Variants in ARHGAP6 observed in about 807,000 individuals in gnomAD.
The protein encoded by ARHGAP6 is Rho GTPase activating protein 6.
In ARHGAP6, 16 loss-of-function variants were observed where a neutral mutation model predicts 55.7. The observed-to-expected ratio is 0.29, with a 90% confidence interval of 0.19 to 0.44. ARHGAP6 has a LOEUF of 0.44. Among genes scored for constraint, ARHGAP6 ranks in the 20% least tolerant of loss-of-function variants. ARHGAP6 has a pLI of 1.00. For missense variants in ARHGAP6, 698 were observed against 808.9 expected (o/e 0.86, Z 1.66); for synonymous variants, 382 against 360.9 (o/e 1.06, Z -0.66).
intron 1 of ARHGAP6, among the ~76,000 whole-genome samples, chrX:11,475,910 T>G (rs2050399414): frequency 9.1e-6 from 1 of 109,624 alleles, no homozygotes; most frequent in African/African-American, 3.3e-5. Flanking sequence ...ACAATAGGAA[T>G]GGGAAAAAAG....
At chrX:11,249,312 T>G (rs1197695450) in intron 2 of ARHGAP6, among the ~76,000 whole-genome samples, 2 of 111,286 alleles carry the variant, frequency 1.8e-5, no homozygotes, top group East Asian at 5.6e-4. Flanking sequence ...AACTATGAAT[T>G]GTGTTCAGTG....
At chrX:11,174,639 C>CTTTCTTTCTCTTTCT (rs2046171016) in intron 8 of ARHGAP6, among the ~76,000 whole-genome samples, 3 of 62,335 alleles carry the variant, frequency 4.8e-5, no homozygotes, top group African/African-American at 7.3e-5. Context: ...TTCTTTCTTT[C>CTTTCTTTCTCTTTCT]TTTCTTTCTT....
intron 1 of ARHGAP6, among the ~76,000 whole-genome samples, chrX:11,453,196 ATATATATACATAATATATATATATGC>A (rs2050160000): frequency 9.9e-6 from 1 of 101,005 alleles, no homozygotes. Flanking sequence ...CTCTCTCTCT[ATATATATACATAATATATATATATGC>A]TATATATATA....
At chrX:11,384,702 A>C (rs1369526861) in intron 1 of ARHGAP6, among the ~76,000 whole-genome samples, 4 of 112,072 alleles carry the variant, frequency 3.6e-5, no homozygotes, top group Non-Finnish European at 7.5e-5. Context: ...GAAAATTTAA[A>C]AAATATCAAT....
At chrX:11,546,722 C>G (rs907108240) in intron 1 of ARHGAP6, among the ~76,000 whole-genome samples, 1 of 111,821 alleles carries the variant, frequency 8.9e-6, no homozygotes, top group South Asian at 3.7e-4. Flanking sequence ...CTTCTCTTTT[C>G]CAGGTCTATA....
intron 1 of ARHGAP6, among the ~76,000 whole-genome samples, chrX:11,501,502 A>C: frequency 8.9e-6 from 1 of 111,786 alleles, no homozygotes; most frequent in Middle Eastern, 4.6e-3. Flanking sequence ...TGGAAAACTA[A>C]AACTAAATTA....
chrX:11,340,533 T>C (rs1247990591), intron 1 of ARHGAP6, among the ~76,000 whole-genome samples: 2 of 110,762 alleles, frequency 1.8e-5, no homozygotes, highest in Non-Finnish European at 3.8e-5. Context: ...ATGGAGACCA[T>C]CCTGGCTAAC....
intron 10 of ARHGAP6, among the ~76,000 whole-genome samples, chrX:11,150,872 C>T (rs191032658): frequency 1.8e-5 from 2 of 112,531 alleles, no homozygotes. Flanking sequence ...TATGACTAAG[C>T]ATGGCTAGTC....
intron 1 of ARHGAP6, among the ~76,000 whole-genome samples, chrX:11,455,905 G>A (rs190848789): frequency 4.5e-5 from 5 of 112,289 alleles, no homozygotes; most frequent in African/African-American, 1.6e-4. Flanking sequence ...GTATGTGAAA[G>A]TGTTTTAAAA....
chrX:11,550,341 C>T (rs2051254336), intron 1 of ARHGAP6, among the ~76,000 whole-genome samples: 1 of 111,792 alleles, frequency 8.9e-6, no homozygotes, highest in African/African-American at 3.3e-5. Context: ...TGGCCCCAGA[C>T]CTGCTGAATA....
At chrX:11,290,316 C>A (rs1200603264) in intron 1 of ARHGAP6, 3 of 301,046 alleles carry the variant, frequency 1.0e-5, no homozygotes, top group Non-Finnish European at 1.9e-5. Context: ...ATTTATCTAG[C>A]ACCTACTTTG....
At chrX:11,373,396 AAG>A (rs1021802851) in intron 1 of ARHGAP6, among the ~76,000 whole-genome samples, 2 of 110,792 alleles carry the variant, frequency 1.8e-5, no homozygotes, top group African/African-American at 6.6e-5. Flanking sequence ...TTAAAAAAAA[AAG>A]AGAGAGAGAA....
In ARHGAP6 at chrX:11,287,685, A is replaced by G. The variant is rs2047938062; in HGVS notation, c.589-32978T>C. ...CTGCCTAGCTGGTCTTTTTCTGCAC[A>G]CCAAGCATGCTCTGCCCATTCCCGT... On this transcript the variant is annotated intron_variant, in intron 1 of 12. Coordinates refer to ENST00000337414, the MANE Select transcript of ARHGAP6 (RefSeq NM_013427.3). Among the ~76,000 whole-genome samples, 4 of 111,711 alleles carry G rather than the reference A, an allele frequency of 3.6e-5. No individual in the cohort carries two copies. The South Asian group carries it at 1.5e-3, about 42-fold the overall frequency.
In ARHGAP6 at chrX:11,660,530, C is replaced by CAAAAAAAAAAA. The variant is rs56274949; in HGVS notation, c.588+3700_588+3710dup. ...CAACAGGGTGAGACTCTCTCTCTCTCAAAAAAAAAAAAAAAAAAAAAAAAA... is the reference window on the plus strand; with the variant it reads ...CAACAGGGTGAGACTCTCTCTCTCTCAAAAAAAAAAAAAAAAAAAAAAAAAAAAAAAAAAAA... On this transcript the variant is annotated intron_variant, in intron 1 of 12. Coordinates refer to ENST00000337414, the MANE Select transcript of ARHGAP6 (RefSeq NM_013427.3). 8.8e-4 allele frequency among the ~76,000 whole-genome samples: 24 copies of CAAAAAAAAAAA among 27,303 alleles called. 4 individuals are homozygous for CAAAAAAAAAAA. Among genetic ancestry groups the CAAAAAAAAAAA allele is most frequent in the Non-Finnish European group, 1.5e-3 (20 of 13,790 alleles). 23.7% of individuals were successfully genotyped at this position (27,303 alleles called of 115,157 possible). A position where few individuals can be genotyped will look rare whatever the true frequency, so the allele number is the denominator to read the frequency against.
At chrX:11,617,417 C>A (rs2052178629) in intron 1 of ARHGAP6, among the ~76,000 whole-genome samples, 1 of 111,649 alleles carries the variant, frequency 9.0e-6, no homozygotes, top group African/African-American at 3.3e-5. Flanking sequence ...AGCATGAGTA[C>A]AGGCTATTTC....
chrX:11,274,781 C>G (rs1324680364), intron 1 of ARHGAP6, among the ~76,000 whole-genome samples: 1 of 110,874 alleles, frequency 9.0e-6, no homozygotes, highest in Non-Finnish European at 1.9e-5. Flanking sequence ...TCTCCCTCCC[C>G]CAACCCCACC....
intron 1 of ARHGAP6, among the ~76,000 whole-genome samples, chrX:11,354,327 C>CTATATATATATA (rs1174449401): frequency 1.2e-3 from 40 of 32,343 alleles, no homozygotes; most frequent in Non-Finnish European, 1.6e-3. Flanking sequence ...CTCTCTCTCT[C>CTATATATATATA]TATATATATA....
chrX:11,220,721 C>T (rs1444947994), intron 2 of ARHGAP6, among the ~76,000 whole-genome samples: 4 of 109,556 alleles, frequency 3.7e-5, no homozygotes, highest in Non-Finnish European at 5.7e-5. Context: ...GAAACTGCAT[C>T]GACTAACAAG....
At chrX:11,461,103 T>C (rs978293422) in intron 1 of ARHGAP6, among the ~76,000 whole-genome samples, 1 of 111,943 alleles carries the variant, frequency 8.9e-6, no homozygotes, top group African/African-American at 3.2e-5. Context: ...GTCATTTACT[T>C]TCTTGGCCAG....
Sources: gnomAD v4.1 joint callset for allele counts (sites outside exome capture counted in the v4.1 genomes callset) on GRCh38, gnomAD v4.1.1 for gene constraint, MANE v1.5 for transcripts, NCBI Gene and HGNC (gene_info 2026-07-23, HGNC 2026-07-21) for gene names.